AHI1: variants seen among roughly 807,000 people sequenced by gnomAD.
AHI1 encodes jouberin.
Under a neutral mutation model 149.3 loss-of-function variants are expected in AHI1, and 123 were observed. That is an observed-to-expected ratio of 0.82 (90% CI 0.71 to 0.96). The LOEUF is 0.96. Ranked by LOEUF, AHI1 falls within the 40% of genes least tolerant of loss-of-function variation. AHI1 has a pLI of 0.00. For missense variants in AHI1, 1,439 were observed against 1,422.7 expected (o/e 1.01, Z -0.18); for synonymous variants, 475 against 459.8 (o/e 1.03, Z -0.42).
At position 135,465,836 on chromosome 6, in the gene AHI1, C is replaced by T. The variant is rs1343456087; in HGVS notation, c.727G>A (p.Val243Ile). The T allele has an allele frequency of 1.4e-6, 2 of 1,478,376 alleles. No individual in the cohort carries two copies. The highest frequency in any genetic ancestry group is 1.8e-6 in the Non-Finnish European group (2 of 1,118,536). 91.6% of individuals were successfully genotyped at this position (1,478,376 alleles called of 1,614,324 possible). A position where few individuals can be genotyped will look rare whatever the true frequency, so the allele number is the denominator to read the frequency against. ...TACCTTGTTTCAGCTTTAGAGAAGA[C>T]TGGAACTTCCTTTTTCTTTTTCCTT... ...EKRKKKKEVP[V>I]FSKAETSTLT... is the part of the protein sequence containing the mutation. The change falls in exon 7 of 29, where the codon GTC becomes ATC. Residue 243 changes from valine (V) to isoleucine (I), a missense_variant. By Grantham distance (29) the Val-to-Ile change is conservative. Coordinates refer to ENST00000265602, the MANE Select transcript of AHI1 (RefSeq NM_001134831.2).
intron 23 of AHI1, among the ~76,000 whole-genome samples, chr6:135,384,487 C>T (rs759271034): frequency 5.3e-5 from 8 of 152,086 alleles, no homozygotes; most frequent in East Asian, 3.8e-4. Flanking sequence ...CTCTGACCTC[C>T]GGCTAAGTGC....
Position 135,323,232 on chromosome 6 carries a change from T to C in AHI1, c.3258A>G (p.Glu1086=). The C allele has an allele frequency of 6.2e-7, 1 of 1,613,924 alleles. No homozygotes were observed. Among genetic ancestry groups the C allele is most frequent in the Non-Finnish European group, 8.5e-7 (1 of 1,179,842 alleles). The change falls in exon 25 of 29, where the codon GAA becomes GAG. Residue 1086 remains glutamate (E), a synonymous_variant. Coordinates refer to ENST00000265602, the MANE Select transcript of AHI1 (RefSeq NM_001134831.2). ...DIIRVFFKDN[E]DWWYGSIGKG... ...TTCCTATGCTGCCATACCACCAGTC[T>C]TCATTATCTTTGAAAAACACTCGGA...
At chr6:135,303,563 T>C (rs541520171) in intron 26 of AHI1, among the ~76,000 whole-genome samples, 32 of 151,944 alleles carry the variant, frequency 2.1e-4, no homozygotes, top group Non-Finnish European at 4.0e-4. Flanking sequence ...TCTTTTTTTT[T>C]TTTCACTTGA....
At chr6:135,289,434 G>A (rs887831089) in intron 28 of AHI1, among the ~76,000 whole-genome samples, 7 of 152,034 alleles carry the variant, frequency 4.6e-5, no homozygotes, top group Non-Finnish European at 8.8e-5. Context: ...GGTGGAGACT[G>A]CAGTGAGCTG....
chr6:135,404,618 G>T lies in AHI1; in HGVS notation c.2988+333C>A, dbSNP rs1408186408. Among the ~76,000 whole-genome samples the T allele has an allele frequency of 2.0e-5, 3 of 152,154 alleles. No homozygotes were observed. The East Asian group carries it at 5.8e-4, about 29-fold the overall frequency. ...ACAGTTTACTCAGCATATACCTACT[G>T]GAACTATATTGACCGGTGTCTTATA... On this transcript the variant is annotated intron_variant, in intron 22 of 28. Coordinates refer to ENST00000265602, the MANE Select transcript of AHI1 (RefSeq NM_001134831.2).
intron 24 of AHI1, among the ~76,000 whole-genome samples, chr6:135,343,703 G>A (rs972592442): frequency 1.4e-5 from 2 of 148,038 alleles, no homozygotes; most frequent in Non-Finnish European, 3.0e-5. Flanking sequence ...AGCTAAATGC[G>A]AAAGAATAAA....
chr6:135,431,470 T>C lies in AHI1; in HGVS notation c.2267-156A>G, dbSNP rs2614270. On this transcript the variant is annotated intron_variant, in intron 16 of 28. Transcript: ENST00000265602. ...TTTAAAAAAGCCAAAAATCAAAATG[T>C]AACTCACAAACAAACCCCAATTATC... Among the ~76,000 whole-genome samples the C allele has an allele frequency of 0.96, 145,538 of 152,166 alleles. 69,600 individuals are homozygous for C. Among genetic ancestry groups the C allele is most frequent in the Middle Eastern group, 0.98 (288 of 294 alleles).
intron 13 of AHI1, among the ~76,000 whole-genome samples, chr6:135,444,714 C>T (rs1786885927): frequency 6.6e-6 from 1 of 152,184 alleles, no homozygotes; most frequent in Non-Finnish European, 1.5e-5. Context: ...ATAAAAGTAA[C>T]TTGCTAACTT....
At chr6:135,497,408 G>A (rs1300220271) in intron 1 of AHI1, among the ~76,000 whole-genome samples, 159 bp from the exon 2 acceptor site, 1 of 152,190 alleles carries the variant, frequency 6.6e-6, no homozygotes, top group Non-Finnish European at 1.5e-5. Context: ...GTACGGTGAG[G>A]ACTCTCAGAA....
intron 8 of AHI1, among the ~76,000 whole-genome samples, chr6:135,459,627 CAA>C (rs1789544113): frequency 6.6e-6 from 1 of 151,240 alleles, no homozygotes; most frequent in Non-Finnish European, 1.5e-5. Flanking sequence ...AACAAACTGC[CAA>C]TACCATGAAT....
rs937730532 is a variant in AHI1 at position 135,292,131 on chromosome 6, C to CACAT, written c.3486-1610_3486-1607dup. On this transcript the variant is annotated intron_variant, in intron 27 of 28. Coordinates refer to ENST00000265602, the MANE Select transcript of AHI1 (RefSeq NM_001134831.2). ...AATTACACACACACACACACACACA[C>CACAT]ACATACACAAACACACACACACAAA... Among the ~76,000 whole-genome samples, 3 of 152,006 alleles carry CACAT rather than the reference C, an allele frequency of 2.0e-5. No homozygotes were observed. The East Asian group carries it at 5.8e-4, about 29-fold the overall frequency.
At chr6:135,476,963 T>C (rs1414194383) in intron 5 of AHI1, among the ~76,000 whole-genome samples, 1 of 152,172 alleles carries the variant, frequency 6.6e-6, no homozygotes, top group African/African-American at 2.4e-5. Context: ...TTATTCTTGA[T>C]ATTGCTGAGT....
chr6:135,418,551 G>A (rs1369528135), intron 20 of AHI1, among the ~76,000 whole-genome samples: 4 of 152,078 alleles, frequency 2.6e-5, no homozygotes, highest in Non-Finnish European at 5.9e-5. Context: ...ACAGGAGGAA[G>A]GACGGAGGAA....
intron 7 of AHI1, among the ~76,000 whole-genome samples, chr6:135,463,839 C>T (rs1384504690): frequency 2.0e-5 from 3 of 152,022 alleles, no homozygotes; most frequent in African/African-American, 7.2e-5. Context: ...GCTGCCTCAA[C>T]CTCCCAGGCT....
At chr6:135,496,040 C>A (rs1283425353) in intron 2 of AHI1, 142 bp from the exon 3 acceptor site, 1 of 151,902 alleles carries the variant, frequency 6.6e-6, no homozygotes, top group Non-Finnish European at 1.5e-5. Context: ...TTACTATTAA[C>A]AGCTTAATAC....
Position 135,386,547 on chromosome 6 carries a change from T to G in AHI1, c.3109+8229A>C, listed in dbSNP as rs192413394. On this transcript the variant is annotated intron_variant, in intron 23 of 28. Coordinates refer to ENST00000265602, the MANE Select transcript of AHI1 (RefSeq NM_001134831.2). ...GGATGGTCTCGATCTCCTGACCTTGTGATCCGCCTGCCTCGGCCTCCCAAA... is the reference window on the plus strand; with the variant it reads ...GGATGGTCTCGATCTCCTGACCTTGGGATCCGCCTGCCTCGGCCTCCCAAA... 1.2e-3 allele frequency among the ~76,000 whole-genome samples: 184 copies of G among 152,298 alleles called. 3 individuals are homozygous for G. In the East Asian group the frequency reaches 0.035, roughly 29 times the overall value.
At chr6:135,380,348 T>C (rs1381363803) in intron 23 of AHI1, among the ~76,000 whole-genome samples, 2 of 152,076 alleles carry the variant, frequency 1.3e-5, no homozygotes, top group Non-Finnish European at 1.5e-5. Context: ...TATACAGCAT[T>C]TACATTGTAT....
intron 8 of AHI1, among the ~76,000 whole-genome samples, chr6:135,458,590 G>C (rs1308574426): frequency 1.3e-5 from 2 of 152,122 alleles, no homozygotes; most frequent in Non-Finnish European, 2.9e-5. Flanking sequence ...TTTTCATCTG[G>C]GGTCATCTAC....
intron 22 of AHI1, among the ~76,000 whole-genome samples, chr6:135,404,245 C>A (rs1780432117): frequency 6.6e-6 from 1 of 152,120 alleles, no homozygotes; most frequent in Admixed American, 6.6e-5. Context: ...TTTCCCAACA[C>A]CTAAATTAAA....
Sources: allele counts gnomAD v4.1 joint callset (sites outside exome capture counted in the v4.1 genomes callset), GRCh38; gene constraint gnomAD v4.1.1; transcripts MANE v1.5; gene names NCBI Gene and HGNC (gene_info 2026-07-23, HGNC 2026-07-21).